The following NWD2 variants were observed in gnomAD, a reference collection of about 807,000 sequenced individuals.
NWD2 encodes NACHT and WD repeat domain containing 2.
Under a neutral mutation model 132.7 loss-of-function variants are expected in NWD2, and 37 were observed. The observed-to-expected ratio is 0.28, with a 90% CI of 0.21 to 0.37. The LOEUF (loss-of-function observed/expected upper bound fraction) is 0.37, where lower values mean the gene tolerates loss of function less well. Ranked by LOEUF, NWD2 falls within the 10% of genes least tolerant of loss-of-function variation. The pLI is 1.00. For synonymous variants in NWD2, 705 were observed against 803.0 expected (o/e 0.88, Z 2.06); for missense variants, 1,592 against 2,122.4 (o/e 0.75, Z 4.91).
intron 1 of NWD2, among the ~76,000 whole-genome samples, chr4:37,270,267 C>T (rs1226074575): frequency 6.6e-6 from 1 of 151,784 alleles, no homozygotes; most frequent in Non-Finnish European, 1.5e-5. Flanking sequence ...TACACCAAAT[C>T]AAATAGTATA....
intron 3 of NWD2, among the ~76,000 whole-genome samples, chr4:37,408,465 G>A (rs1351981657): frequency 6.6e-6 from 1 of 152,148 alleles, no homozygotes; most frequent in Non-Finnish European, 1.5e-5. Context: ...GGCTGCTATG[G>A]CCAGACTGCC....
chr4:37,317,089 G>A (rs1039063651), intron 1 of NWD2, among the ~76,000 whole-genome samples: 1 of 152,144 alleles, frequency 6.6e-6, no homozygotes, highest in Non-Finnish European at 1.5e-5. Context: ...TGATTTTTCA[G>A]AATTTCTTCT....
At chr4:37,247,631 CAG>C (rs1321061724) in intron 1 of NWD2, among the ~76,000 whole-genome samples, 2 of 150,826 alleles carry the variant, frequency 1.3e-5, no homozygotes, top group Non-Finnish European at 3.0e-5. Context: ...TTTTTTGAGA[CAG>C]AGTCTCGCTC....
chr4:37,401,059 A>C (rs1460646647), intron 3 of NWD2, among the ~76,000 whole-genome samples: 1 of 152,214 alleles, frequency 6.6e-6, no homozygotes, highest in Admixed American at 6.5e-5. Context: ...TTTAAAAAGC[A>C]GATATAGGTA....
intron 3 of NWD2, among the ~76,000 whole-genome samples, chr4:37,421,281 G>A (rs1328605243): frequency 2.6e-5 from 4 of 152,184 alleles, no homozygotes; most frequent in Admixed American, 2.6e-4. Flanking sequence ...CAGGATTAGG[G>A]TTGTAATCTG....
At chr4:37,310,262 A>G (rs1356408844) in intron 1 of NWD2, among the ~76,000 whole-genome samples, 1 of 152,182 alleles carries the variant, frequency 6.6e-6, no homozygotes, top group Non-Finnish European at 1.5e-5. Flanking sequence ...ATTTAGTTTT[A>G]TTCTAGCTAT....
chr4:37,300,246 G>A (rs941260976), intron 1 of NWD2, among the ~76,000 whole-genome samples: 2 of 152,090 alleles, frequency 1.3e-5, no homozygotes, highest in African/African-American at 2.4e-5. Flanking sequence ...CATCTTGCCC[G>A]ATTATATCAT....
intron 1 of NWD2, among the ~76,000 whole-genome samples, chr4:37,296,535 T>C (rs1484235368): frequency 6.6e-6 from 1 of 152,138 alleles, no homozygotes; most frequent in Non-Finnish European, 1.5e-5. Context: ...ATAATGTCTT[T>C]TGCAGCAACT....
intron 1 of NWD2, among the ~76,000 whole-genome samples, chr4:37,313,851 C>T (rs1718903325): frequency 6.6e-6 from 1 of 150,748 alleles, no homozygotes; most frequent in African/African-American, 2.5e-5. Flanking sequence ...GGCACCTGCC[C>T]ACACGCCCTC....
chr4:37,442,280 T>C (rs1003648370), intron 6 of NWD2, among the ~76,000 whole-genome samples: 1 of 152,204 alleles, frequency 6.6e-6, no homozygotes, highest in Non-Finnish European at 1.5e-5. Flanking sequence ...CTGAAAGACT[T>C]TATTTTCCTA....
Position 37,396,600 on chromosome 4 carries a change from G to A in NWD2, c.358-33972G>A, listed in dbSNP as rs193139678. 4.6e-5 allele frequency among the ~76,000 whole-genome samples: 7 copies of A among 152,324 alleles called. No individual in the cohort carries two copies. The East Asian group carries it at 9.7e-4, about 21-fold the overall frequency. On this transcript the variant is annotated intron_variant, in intron 3 of 6. Coordinates refer to ENST00000309447, the MANE Select transcript of NWD2 (RefSeq NM_001144990.2). Reference sequence around the variant, plus strand: ...AATCTCTAAGTGTGTTCCACCTGATGTGTTCACTGGAGAGGATTCTATAAG... The same window carrying A: ...AATCTCTAAGTGTGTTCCACCTGATATGTTCACTGGAGAGGATTCTATAAG...
chr4:37,378,492 A>C (rs1458909916), intron 3 of NWD2, among the ~76,000 whole-genome samples: 1 of 152,242 alleles, frequency 6.6e-6, no homozygotes, highest in East Asian at 1.9e-4. Flanking sequence ...CCATTTTCCC[A>C]TGTAACAATG....
At position 37,444,868 on chromosome 4, in the gene NWD2, T is replaced by C; in HGVS notation, c.2880T>C (p.Arg960=). Residue 960 remains arginine, a synonymous_variant, in exon 7 of 7, where the codon CGT becomes CGC. Coordinates refer to ENST00000309447, the MANE Select transcript of NWD2 (RefSeq NM_001144990.2). The surrounding 1 kb of genome is among the most constrained non-coding windows in gnomAD (Gnocchi z 4.8). ...SSMDVTYSPE[R]LPLSSSHLHV... ...TGGATGTGACATACAGCCCAGAGCG[T>C]CTTCCCTTATCATCCAGTCACCTGC... 1 of 1,552,246 alleles carries C rather than the reference T, an allele frequency of 6.4e-7. No individual in the cohort carries two copies. Among genetic ancestry groups the C allele is most frequent in the Non-Finnish European group, 8.7e-7 (1 of 1,147,116 alleles).
intron 2 of NWD2, among the ~76,000 whole-genome samples, chr4:37,327,018 A>C (rs1460254423): frequency 6.6e-6 from 1 of 152,144 alleles, no homozygotes; most frequent in Non-Finnish European, 1.5e-5. Context: ...ATAAGTCACC[A>C]TTTACTTGAC....
intron 1 of NWD2, among the ~76,000 whole-genome samples, chr4:37,288,882 T>C (rs1185499352): frequency 6.6e-6 from 1 of 152,160 alleles, no homozygotes; most frequent in Admixed American, 6.5e-5. Flanking sequence ...ATGGACATGA[T>C]TATACTGGAT....
intron 2 of NWD2, among the ~76,000 whole-genome samples, chr4:37,328,994 A>C (rs1054823575): frequency 6.6e-6 from 1 of 152,034 alleles, no homozygotes; most frequent in Non-Finnish European, 1.5e-5. Context: ...AGTCCCTGGC[A>C]CATTGGAAAA....
intron 3 of NWD2, among the ~76,000 whole-genome samples, chr4:37,406,808 A>C (rs1425931069): frequency 1.3e-5 from 2 of 152,334 alleles, no homozygotes; most frequent in East Asian, 3.9e-4. Context: ...AGGCAGGAGA[A>C]TTGTTTGAAC....
At chr4:37,371,768 A>G (rs1468472697) in intron 3 of NWD2, among the ~76,000 whole-genome samples, 1 of 152,232 alleles carries the variant, frequency 6.6e-6, no homozygotes, top group Admixed American at 6.5e-5. Context: ...ATGTTAAAAT[A>G]TGTATTCAGG....
At chr4:37,318,763 A>G (rs1719010712) in intron 1 of NWD2, among the ~76,000 whole-genome samples, 1 of 152,004 alleles carries the variant, frequency 6.6e-6, no homozygotes, top group Admixed American at 6.6e-5. Flanking sequence ...ATTCACTTAG[A>G]ATGATGGCAT....
Sources: allele counts gnomAD v4.1 joint callset (sites outside exome capture counted in the v4.1 genomes callset), GRCh38; gene constraint gnomAD v4.1.1; non-coding constraint Gnocchi (gnomAD v3.1); transcripts MANE v1.5; gene names NCBI Gene and HGNC (gene_info 2026-07-23, HGNC 2026-07-21).